ATRNL1: variants seen among roughly 807,000 people sequenced by gnomAD.
ATRNL1 encodes the protein attractin-like protein 1.
A neutral mutation model predicts 182.7 loss-of-function variants in ATRNL1; 95 were observed. That is an observed-to-expected ratio of 0.52 (90% confidence interval 0.44 to 0.62). The LOEUF (loss-of-function observed/expected upper bound fraction) is 0.62. Ranked by LOEUF, ATRNL1 falls within the 20% of genes least tolerant of loss-of-function variation. The pLI, the probability that ATRNL1 is intolerant of heterozygous loss-of-function variation, is 0.00. For missense variants in ATRNL1, 1,471 were observed against 1,679.5 expected, an observed-to-expected ratio of 0.88 and a Z score of 2.17; for synonymous variants, 576 against 568.3, an observed-to-expected ratio of 1.01 and a Z score of -0.19.
chr10:115,776,081 G>A (rs1949119566), intron 27 of ATRNL1, among the ~76,000 whole-genome samples: 1 of 152,010 alleles, frequency 6.6e-6, no homozygotes, highest in Non-Finnish European at 1.5e-5. Flanking sequence ...TGATGACATA[G>A]CCAATTAGTT....
chr10:115,446,557 C>T (rs549593858), intron 21 of ATRNL1, among the ~76,000 whole-genome samples: 201 of 151,990 alleles, frequency 1.3e-3, no homozygotes, highest in African/African-American at 4.7e-3. Context: ...TCTACTTCAT[C>T]TGTTGTTGTC....
At chr10:115,283,044 C>T (rs1269362058) in intron 14 of ATRNL1, among the ~76,000 whole-genome samples, 1 of 151,986 alleles carries the variant, frequency 6.6e-6, no homozygotes, top group Non-Finnish European at 1.5e-5. Flanking sequence ...TTGGAAAATT[C>T]CATCACAGAA....
intron 9 of ATRNL1, among the ~76,000 whole-genome samples, chr10:115,238,810 C>T (rs985409494): frequency 6.6e-6 from 1 of 152,118 alleles, no homozygotes; most frequent in Non-Finnish European, 1.5e-5. Context: ...GATGAAACAT[C>T]CTTGCCTTAT....
chr10:115,273,601 C>T (rs1325712682), intron 13 of ATRNL1, among the ~76,000 whole-genome samples: 2 of 152,194 alleles, frequency 1.3e-5, no homozygotes, highest in African/African-American at 4.8e-5. Flanking sequence ...GGAAAGATTT[C>T]CTTTCACTAC....
At chr10:115,426,367 G>A in intron 21 of ATRNL1, 65 bp downstream of exon 21, 2 of 1,200,932 alleles carry the variant, frequency 1.7e-6, no homozygotes, top group Admixed American at 2.2e-5. Flanking sequence ...AATAATAAAG[G>A]TCATCTTGAA....
At chr10:115,496,846 T>C (rs1554978448) in intron 24 of ATRNL1, among the ~76,000 whole-genome samples, 1 of 152,138 alleles carries the variant, frequency 6.6e-6, no homozygotes, top group African/African-American at 2.4e-5. Flanking sequence ...CATTTCTACC[T>C]TGGAGAATAT....
chr10:115,810,688 T>C (rs1488129319), intron 27 of ATRNL1, among the ~76,000 whole-genome samples: 1 of 151,888 alleles, frequency 6.6e-6, no homozygotes. Context: ...TTAGTAGATA[T>C]ATGGCTGTTC....
chr10:115,259,738 G>A (rs1191969796), intron 10 of ATRNL1, among the ~76,000 whole-genome samples: 2 of 152,066 alleles, frequency 1.3e-5, no homozygotes, highest in Admixed American at 6.5e-5. Context: ...GTTCCTATTC[G>A]GCCATCTTGG....
chr10:115,704,058 C>G (rs148992949), intron 26 of ATRNL1, among the ~76,000 whole-genome samples: 105 of 151,968 alleles, frequency 6.9e-4, no homozygotes, highest in Non-Finnish European at 1.1e-3. Context: ...AGTCAGTTTT[C>G]ACTTAAAAGG....
intron 19 of ATRNL1, among the ~76,000 whole-genome samples, chr10:115,347,624 T>C (rs1418483048): frequency 6.6e-6 from 1 of 152,116 alleles, no homozygotes; most frequent in Non-Finnish European, 1.5e-5. Context: ...AAGCTTTAAA[T>C]ATACTGCAGC....
At position 115,527,911 on chromosome 10, in the gene ATRNL1, CCTT is replaced by C. The variant is rs1554987028; in HGVS notation, c.3716+8589_3716+8591del. Reference sequence around the variant, plus strand: ...CCTTCCCTCCCTTCCTTCCTTCCTTCCTTCCTCCCTTCCTCCCTCCTTCCTTCT... The same window carrying C: ...CCTTCCCTCCCTTCCTTCCTTCCTTCCCTCCCTTCCTCCCTCCTTCCTTCT... On this transcript the variant is annotated intron_variant, in intron 25 of 28. Coordinates refer to ENST00000355044, the MANE Select transcript of ATRNL1 (RefSeq NM_207303.4). Among the ~76,000 whole-genome samples, 22 of 83,126 alleles carry C rather than the reference CCTT, an allele frequency of 2.6e-4. 1 individual carries two copies. The highest frequency in any genetic ancestry group is 7.7e-3 in the Middle Eastern group (1 of 130). The allele number at this position is 83,126 out of a possible 152,430, so 54.5% of individuals were successfully genotyped here. A position where few individuals can be genotyped will look rare whatever the true frequency, so the allele number is the denominator to read the frequency against.
chr10:115,601,650 T>C (rs1856599176), intron 26 of ATRNL1, among the ~76,000 whole-genome samples: 1 of 152,230 alleles, frequency 6.6e-6, no homozygotes, highest in Non-Finnish European at 1.5e-5. Flanking sequence ...TAACTCATGT[T>C]CTGGTCTATT....
chr10:115,734,506 G>A (rs889318662), intron 27 of ATRNL1, among the ~76,000 whole-genome samples: 1 of 151,712 alleles, frequency 6.6e-6, no homozygotes, highest in Non-Finnish European at 1.5e-5. Context: ...TATTTTAATA[G>A]CATTTATTGA....
At chr10:115,937,583 G>A (rs1953599708) in intron 28 of ATRNL1, among the ~76,000 whole-genome samples, 2 of 152,192 alleles carry the variant, frequency 1.3e-5, no homozygotes, top group South Asian at 2.1e-4. Context: ...TGGCCACACC[G>A]AATGTTAAAT....
intron 26 of ATRNL1, among the ~76,000 whole-genome samples, chr10:115,688,219 C>T (rs937180518): frequency 1.3e-5 from 2 of 152,084 alleles, no homozygotes; most frequent in Non-Finnish European, 2.9e-5. Context: ...ATTCATCCAT[C>T]GATGAGCATG....
In ATRNL1 at chr10:115,315,542, C is replaced by T. The variant is rs782641928; in HGVS notation, c.2843C>T (p.Thr948Ile). The stretch of plus-strand genomic sequence containing the variant: ...GCTCAAAATTGTTCTGGATTGAGAA[C>T]CTGTGGACAGTGTTTGGAACAGCCT... ...CSPQNCSGLRTCGQCLEQPGC... is the reference protein window; with the variant it reads ...CSPQNCSGLRICGQCLEQPGC... Residue 948 changes from threonine (T) to isoleucine (I), a missense_variant, in exon 18 of 29, where the codon ACC becomes ATC. By Grantham distance (89) the Thr-to-Ile change is moderately conservative. Around this residue, in one of 3 missense-constraint regions of ATRNL1, gnomAD observed 1,031 missense variants for 1,156.0 expected, o/e 0.89. Transcript: ENST00000355044. The T allele has an allele frequency of 1.9e-6, 3 of 1,613,226 alleles. No homozygotes were observed. The South Asian group carries it at 3.3e-5, about 18-fold the overall frequency.
intron 8 of ATRNL1, among the ~76,000 whole-genome samples, chr10:115,182,105 C>T (rs1213520649): frequency 6.6e-6 from 1 of 151,364 alleles, no homozygotes; most frequent in Non-Finnish European, 1.5e-5. Flanking sequence ...TTTATATGCC[C>T]CAACACTTTA....
chr10:115,768,533 T>A (rs1373397502), intron 27 of ATRNL1, among the ~76,000 whole-genome samples: 1 of 152,134 alleles, frequency 6.6e-6, no homozygotes, highest in African/African-American at 2.4e-5. Flanking sequence ...TATTCTATTT[T>A]TTGACCATCG....
intron 28 of ATRNL1, among the ~76,000 whole-genome samples, chr10:115,916,436 C>T (rs1184158086): frequency 6.6e-6 from 1 of 152,200 alleles, no homozygotes; most frequent in Non-Finnish European, 1.5e-5. Flanking sequence ...ATTGGTCATG[C>T]ACCAACACAG....
Sources: gnomAD v4.1 joint callset for allele counts (sites outside exome capture counted in the v4.1 genomes callset) on GRCh38, gnomAD v4.1.1 for gene constraint, gnomAD v4.1.1 regional missense constraint, MANE v1.5 for transcripts, NCBI Gene and HGNC (gene_info 2026-07-23, HGNC 2026-07-21) for gene names.